Variants in KDM5B observed in about 807,000 individuals in gnomAD.
KDM5B encodes the protein lysine demethylase 5B, also known as lysine-specific demethylase 5B.
In KDM5B, 144 loss-of-function variants were observed where a neutral mutation model predicts 193.4. That is an observed-to-expected ratio of 0.74 (90% confidence interval 0.65 to 0.86). The LOEUF is 0.86. Among genes scored for constraint, KDM5B ranks in the 40% least tolerant of loss-of-function variants. KDM5B has a pLI of 0.00. For synonymous variants in KDM5B, 668 were observed against 682.6 expected (o/e 0.98, Z 0.33); for missense variants, 1,833 against 1,886.9 (o/e 0.97, Z 0.53).
intron 1 of KDM5B, among the ~76,000 whole-genome samples, chr1:202,794,170 T>C (rs895767085): frequency 4.6e-5 from 7 of 152,162 alleles, no homozygotes; most frequent in African/African-American, 1.7e-4. Context: ...ACCTCCCATC[T>C]CTTCCAAGTT....
Position 202,752,987 on chromosome 1 carries a change from T to G in KDM5B, c.1619A>C (p.Glu540Ala), listed in dbSNP as rs1187535502. 1 of 1,614,098 alleles carries G rather than the reference T, an allele frequency of 6.2e-7. No individual in the cohort carries two copies. Among genetic ancestry groups the G allele is most frequent in the Non-Finnish European group, 8.5e-7 (1 of 1,180,010 alleles). ...GAGATCCGGCTGGGACACAAAGAGT[T>G]CTGGAGCTAGTTTCTTCATTACATT... ...LENVMKKLAPELFVSQPDLLH... is the reference protein window; with the variant it reads ...LENVMKKLAPALFVSQPDLLH... Residue 540 changes from glutamate (E) to alanine (A), a missense_variant, in exon 12 of 27, where the codon GAA becomes GCA. This residue lies in a region of KDM5B where 1,379 missense variants were observed against 1,349.6 expected (regional missense o/e 1.02). Transcript: ENST00000367265.
At chr1:202,794,363 C>G (rs1010720289) in intron 1 of KDM5B, among the ~76,000 whole-genome samples, 57 of 152,298 alleles carry the variant, frequency 3.7e-4, no homozygotes, top group African/African-American at 1.3e-3. Flanking sequence ...GTTTCAGTAT[C>G]TGTAGCCTGT....
chr1:202,735,642 T>C (rs1007888413), intron 21 of KDM5B, 55 bp from the exon 22 acceptor site: 24 of 1,515,684 alleles, frequency 1.6e-5, no homozygotes, highest in South Asian at 8.2e-5. Flanking sequence ...TAAAGCATTA[T>C]GTAGGAAGTC....
chr1:202,731,896 T>TC lies in KDM5B; in HGVS notation c.3952dup (p.Asp1318GlyfsTer26). ...CAAATATGAGGTTCTGTTGTCCCAG[T>TC]CATCAGGCAAAGAAAATGATGTTGT... is the stretch of plus-strand genomic sequence containing the variant. On this transcript the variant is annotated frameshift_variant, in exon 24 of 27. Coordinates refer to ENST00000367265, the MANE Select transcript of KDM5B (RefSeq NM_006618.5). LOFTEE classifies it high-confidence loss of function. 1.2e-6 allele frequency: 2 copies of TC among 1,613,486 alleles called. No homozygotes were observed. The highest frequency in any genetic ancestry group is 8.5e-7 in the Non-Finnish European group (1 of 1,179,768).
chr1:202,751,742 TC>T (rs1429163017), intron 12 of KDM5B, among the ~76,000 whole-genome samples: 1 of 152,216 alleles, frequency 6.6e-6, no homozygotes, highest in Non-Finnish European at 1.5e-5. Flanking sequence ...AGATAATGAA[TC>T]CCTAAATGCA....
At chr1:202,800,733 A>C (rs1314729868) in intron 1 of KDM5B, among the ~76,000 whole-genome samples, 1 of 152,188 alleles carries the variant, frequency 6.6e-6, no homozygotes, top group Admixed American at 6.5e-5. Context: ...TTCCTAAGAA[A>C]AGAAAGTTCA....
chr1:202,744,564 AAAACAAAAAC>A (rs1456140160), intron 16 of KDM5B, among the ~76,000 whole-genome samples: 2 of 152,196 alleles, frequency 1.3e-5, no homozygotes, highest in Non-Finnish European at 2.9e-5. Flanking sequence ...TCTCAAAACA[AAAACAAAAAC>A]AAACAAAAAA....
chr1:202,800,718 G>T (rs904460435), intron 1 of KDM5B, among the ~76,000 whole-genome samples: 2 of 152,106 alleles, frequency 1.3e-5, no homozygotes, highest in African/African-American at 4.8e-5. Flanking sequence ...TGACCAGAAG[G>T]CCCCTTCCTA....
At chr1:202,795,420 G>C (rs1428187659) in intron 1 of KDM5B, among the ~76,000 whole-genome samples, 1 of 152,040 alleles carries the variant, frequency 6.6e-6, no homozygotes, top group Non-Finnish European at 1.5e-5. Flanking sequence ...GGGAGGCTGA[G>C]GCAGACAGAT....
intron 8 of KDM5B, among the ~76,000 whole-genome samples, chr1:202,759,550 CAA>C (rs67515433): frequency 0.25 from 28,519 of 115,776 alleles, 3,226 homozygotes; most frequent in Non-Finnish European, 0.31. Context: ...GATCCTGTCT[CAA>C]AAAAAAAAAA....
At chr1:202,754,940 C>T (rs1655948103) in intron 11 of KDM5B, among the ~76,000 whole-genome samples, 1 of 152,232 alleles carries the variant, frequency 6.6e-6, no homozygotes, top group Non-Finnish European at 1.5e-5. Context: ...CCATCTTGGC[C>T]TCCCAAACTG....
chr1:202,761,309 G>A (rs1365475813), intron 7 of KDM5B, among the ~76,000 whole-genome samples: 2 of 152,098 alleles, frequency 1.3e-5, no homozygotes, highest in Non-Finnish European at 2.9e-5. Context: ...GCCGGGCATG[G>A]TGGTGCACAC....
intron 1 of KDM5B, among the ~76,000 whole-genome samples, chr1:202,794,697 C>T (rs1657767119): frequency 6.6e-6 from 1 of 152,180 alleles, no homozygotes; most frequent in African/African-American, 2.4e-5. Flanking sequence ...AAAAAATCCA[C>T]ATTAAAGTCA....
rs761296247 is a variant in KDM5B, at chr1:202,726,376, A to T, written c.*2660T>A. 1.3e-5 allele frequency: 2 copies of T among 152,144 alleles called. No homozygotes were observed. The highest frequency in any genetic ancestry group is 2.9e-5 in the Non-Finnish European group (2 of 68,018). 9.4% of individuals were successfully genotyped at this position (152,144 alleles called of 1,614,324 possible). Reference sequence around the variant, plus strand: ...TCCTTTACATAGTCCAAATTACATAACCTTTCTCCAGGATAGAGGCTACAT... The same window carrying T: ...TCCTTTACATAGTCCAAATTACATATCCTTTCTCCAGGATAGAGGCTACAT... On this transcript the variant is annotated 3_prime_UTR_variant, in exon 27 of 27. Coordinates refer to ENST00000367265, the MANE Select transcript of KDM5B (RefSeq NM_006618.5).
At chr1:202,780,369 T>C (rs1657150251) in intron 1 of KDM5B, among the ~76,000 whole-genome samples, 1 of 152,084 alleles carries the variant, frequency 6.6e-6, no homozygotes, top group Non-Finnish European at 1.5e-5. Context: ...TTTGTATTTT[T>C]AGTAGAAACA....
chr1:202,746,560 T>C (rs1655569291), intron 14 of KDM5B: 1 of 415,000 alleles, frequency 2.4e-6, no homozygotes, highest in Non-Finnish European at 4.3e-6. Context: ...TTTGGTCATT[T>C]TGATCTGAGT....
intron 4 of KDM5B, 56 bp downstream of exon 4, chr1:202,773,062 A>G: frequency 1.6e-6 from 2 of 1,215,106 alleles, no homozygotes; most frequent in Admixed American, 2.1e-5. Flanking sequence ...CCCTGAAAAG[A>G]CAATGTACCA....
rs1433716305 is a variant in KDM5B at position 202,741,570 on chromosome 1, C to T, written c.2742G>A (p.Leu914=). Residue 914 remains leucine, a synonymous_variant, in exon 19 of 27, where the codon TTG becomes TTA. Coordinates refer to ENST00000367265, the MANE Select transcript of KDM5B (RefSeq NM_006618.5). ...CCTCTTCTAGCCAACGGGCTTGTTC[C>T]AAACGGATACGCATCTCAGCAAGCT... is the stretch of plus-strand genomic sequence containing the variant. ...LPQLAEMRIR[L]EQARWLEEVQ... 1 of 1,614,226 alleles carries T rather than the reference C, an allele frequency of 6.2e-7. No individual in the cohort carries two copies.
chr1:202,764,893 C>T (rs980124816), intron 5 of KDM5B, among the ~76,000 whole-genome samples: 1 of 152,282 alleles, frequency 6.6e-6, no homozygotes, highest in South Asian at 2.1e-4. Context: ...ATGAGATTTG[C>T]TTGAACCCAG....
Sources: allele counts gnomAD v4.1 joint callset (sites outside exome capture counted in the v4.1 genomes callset), GRCh38; gene constraint gnomAD v4.1.1; regional missense constraint gnomAD v4.1.1; transcripts MANE v1.5; gene names NCBI Gene and HGNC (gene_info 2026-07-23, HGNC 2026-07-21).